The following RPRD1B variants were observed in gnomAD, a reference collection of about 807,000 sequenced individuals.
The protein encoded by RPRD1B is regulation of nuclear pre-mRNA domain-containing protein 1B.
A neutral mutation model predicts 41.5 loss-of-function variants in RPRD1B; 11 were observed. The ratio of observed to expected loss-of-function variants is 0.27; its 90% CI spans 0.17 to 0.44. RPRD1B has a LOEUF of 0.44. Among genes scored for constraint, RPRD1B ranks in the 20% least tolerant of loss-of-function variants. The pLI is 1.00. For synonymous variants in RPRD1B, 158 were observed against 155.6 expected (o/e 1.02, Z -0.12); for missense variants, 248 against 389.9 (o/e 0.64, Z 3.06).
At position 38,091,606 on chromosome 20, in the gene RPRD1B, T is replaced by TTGC. The variant is rs1037200544; in HGVS notation, c.*1741_*1743dup. On this transcript the variant is annotated 3_prime_UTR_variant, in exon 7 of 7. Transcript: ENST00000373433. ...AAAATTGCAAGATAAATTGTAATCT[T>TTGC]TGCTGCTGCTGCACTCCCCAACCTC... The TTGC allele has an allele frequency of 3.0e-6, 3 of 985,484 alleles. No individual in the cohort carries two copies. Among genetic ancestry groups the TTGC allele is most frequent in the South Asian group, 4.7e-5 (1 of 21,298 alleles). 61.0% of individuals were successfully genotyped at this position (985,484 alleles called of 1,614,324 possible).
At chr20:38,085,839 CTT>C (rs774430421) in intron 6 of RPRD1B, among the ~76,000 whole-genome samples, 36 of 124,920 alleles carry the variant, frequency 2.9e-4, no homozygotes, top group Admixed American at 3.2e-4. Flanking sequence ...TGGAGTCAGT[CTT>C]TTTTTTTTTT....
intron 6 of RPRD1B, among the ~76,000 whole-genome samples, chr20:38,082,134 T>C (rs1200442906): frequency 6.6e-6 from 1 of 152,198 alleles, no homozygotes; most frequent in Non-Finnish European, 1.5e-5. Context: ...GTAGGATTGG[T>C]ACCAGCTCTT....
intron 6 of RPRD1B, among the ~76,000 whole-genome samples, chr20:38,067,414 A>G (rs1419422564): frequency 6.6e-6 from 1 of 152,128 alleles, no homozygotes; most frequent in Non-Finnish European, 1.5e-5. Context: ...CTTAAATCCC[A>G]CTCAGAGTAG....
chr20:38,040,574 C>G lies in RPRD1B; in HGVS notation c.281+10C>G, dbSNP rs1285853652. ...TTTCTCATGTTGCCAGGTATGTTGT[C>G]TGTTTTTTGGATTTGTTTTTAAATT... On this transcript the variant is annotated intron_variant, in intron 2 of 6. Coordinates refer to ENST00000373433, the MANE Select transcript of RPRD1B (RefSeq NM_021215.4). The G allele has an allele frequency of 1.3e-6, 2 of 1,582,444 alleles. No individual in the cohort carries two copies. The highest frequency in any genetic ancestry group is 2.8e-5 in the African/African-American group (2 of 72,596).
chr20:38,048,433 C>A lies in RPRD1B; in HGVS notation c.367C>A (p.Gln123Lys). The change falls in exon 3 of 7, where the codon CAG (glutamine) becomes AAG (lysine). Residue 123 changes from glutamine to lysine, a missense_variant. Physicochemically the swap from Gln to Lys is moderately conservative, Grantham distance 53. This residue lies in a region of RPRD1B where 94 missense variants were observed against 82.3 expected (regional missense o/e 1.14). Coordinates refer to ENST00000373433, the MANE Select transcript of RPRD1B (RefSeq NM_021215.4). ...ERSVYGGEFI[Q>K]QLKLSMEDSK... ...AAGTGTGTATGGCGGCGAGTTCATA[C>A]AGCAGCTGAAGCTGTCTATGGAGGA... 6.2e-7 allele frequency: 1 copy of A among 1,613,890 alleles called. No homozygotes were observed. The highest frequency in any genetic ancestry group is 8.5e-7 in the Non-Finnish European group (1 of 1,179,808).
rs1411499184 is a variant in RPRD1B at position 38,077,981 on chromosome 20, T to C, written c.831+11725T>C. Reference sequence around the variant, plus strand: ...ACTTGAGTCCAAGAGTTTGAGACCATCCTGAGCTACATGGCAAAACCCCGT... The same window carrying C: ...ACTTGAGTCCAAGAGTTTGAGACCACCCTGAGCTACATGGCAAAACCCCGT... On this transcript the variant is annotated intron_variant, in intron 6 of 6. Coordinates refer to ENST00000373433, the MANE Select transcript of RPRD1B (RefSeq NM_021215.4). Among the ~76,000 whole-genome samples, 4 of 151,868 alleles carry C rather than the reference T, an allele frequency of 2.6e-5. No individual in the cohort carries two copies. The East Asian group carries it at 7.7e-4, about 29-fold the overall frequency.
intron 6 of RPRD1B, among the ~76,000 whole-genome samples, chr20:38,077,743 G>A (rs1429024842): frequency 6.6e-6 from 1 of 152,164 alleles, no homozygotes; most frequent in Non-Finnish European, 1.5e-5. Flanking sequence ...CCTCATGACT[G>A]ATCATCTACA....
At chr20:38,050,119 T>A (rs1012514290) in intron 3 of RPRD1B, among the ~76,000 whole-genome samples, 1 of 152,250 alleles carries the variant, frequency 6.6e-6, no homozygotes, top group Non-Finnish European at 1.5e-5. Context: ...TATACATGCA[T>A]CTGCTATAGA....
At chr20:38,079,582 T>C (rs1206292157) in intron 6 of RPRD1B, among the ~76,000 whole-genome samples, 1 of 152,218 alleles carries the variant, frequency 6.6e-6, no homozygotes, top group African/African-American at 2.4e-5. Context: ...TGCATAGTAT[T>C]CCATGGTATA....
intron 6 of RPRD1B, among the ~76,000 whole-genome samples, chr20:38,078,154 T>C (rs1290521137): frequency 6.8e-6 from 1 of 148,064 alleles, no homozygotes; most frequent in Non-Finnish European, 1.5e-5. Flanking sequence ...GGCGACAGAG[T>C]GCAGGCTGTC....
In RPRD1B at chr20:38,091,873, A is replaced by T; in HGVS notation, c.*1998A>T. 3 of 985,806 alleles carry T rather than the reference A, an allele frequency of 3.0e-6. No homozygotes were observed. The highest frequency in any genetic ancestry group is 3.6e-6 in the Non-Finnish European group (3 of 829,854). 61.1% of individuals were successfully genotyped at this position (985,806 alleles called of 1,614,324 possible). On this transcript the variant is annotated 3_prime_UTR_variant, in exon 7 of 7. Coordinates refer to ENST00000373433, the MANE Select transcript of RPRD1B (RefSeq NM_021215.4). ...AATTGGTGCATAATTATTACAGCAA[A>T]AGTTAAGAAATGAAACTGTAGCAAT... is the stretch of plus-strand genomic sequence containing the variant.
At chr20:38,045,435 T>C (rs946407839) in intron 2 of RPRD1B, among the ~76,000 whole-genome samples, 1 of 152,278 alleles carries the variant, frequency 6.6e-6, no homozygotes, top group East Asian at 1.9e-4. Context: ...ATTTTATGTA[T>C]AACTTTGAAA....
chr20:38,043,208 A>G (rs2122697845), intron 2 of RPRD1B, among the ~76,000 whole-genome samples: 1 of 152,308 alleles, frequency 6.6e-6, no homozygotes, highest in Non-Finnish European at 1.5e-5. Context: ...GAAGGCCTCT[A>G]AGGAAATGAC....
At chr20:38,063,714 G>A (rs552243994) in intron 5 of RPRD1B, among the ~76,000 whole-genome samples, 3 of 152,196 alleles carry the variant, frequency 2.0e-5, no homozygotes, top group Admixed American at 6.5e-5. Flanking sequence ...TTGAGGAAAC[G>A]AGGGAATGGG....
rs772210790 is a variant in RPRD1B, at chr20:38,040,547, T to C, written c.264T>C (p.Ala88=). The change falls in exon 2 of 7, where the codon GCT becomes GCC. Residue 88 remains alanine, a synonymous_variant. Transcript: ENST00000373433. ...TREFESVLVD[A]FSHVAREADE... ...AATTTGAATCTGTCCTTGTGGATGC[T>C]TTTTCTCATGTTGCCAGGTATGTTG... The C allele has an allele frequency of 2.5e-6, 4 of 1,598,930 alleles. No individual in the cohort carries two copies. The highest frequency in any genetic ancestry group is 1.8e-5 in the Admixed American group (1 of 56,948).
At position 38,092,121 on chromosome 20, in the gene RPRD1B, G is replaced by GT. The variant is rs1170155036; in HGVS notation, c.*2252dup. 3.0e-6 allele frequency: 3 copies of GT among 985,396 alleles called. No homozygotes were observed. The highest frequency in any genetic ancestry group is 3.6e-6 in the Non-Finnish European group (3 of 829,874). 61.0% of individuals were successfully genotyped at this position (985,396 alleles called of 1,614,324 possible). ...TGGGGTGGGTGGTTTTTGTTTTTGTGTTTTTTCTTTCTTAGGGCATCTGTA... is the reference window on the plus strand; with the variant it reads ...TGGGGTGGGTGGTTTTTGTTTTTGTGTTTTTTTCTTTCTTAGGGCATCTGTA... On this transcript the variant is annotated 3_prime_UTR_variant, in exon 7 of 7. Transcript: ENST00000373433.
chr20:38,087,896 G>A (rs542467211), intron 6 of RPRD1B, among the ~76,000 whole-genome samples: 54 of 152,302 alleles, frequency 3.5e-4, no homozygotes, highest in Non-Finnish European at 5.6e-4. Context: ...TGTGCTGGGT[G>A]CCTACTGTTT....
chr20:38,085,218 G>T (rs750265186), intron 6 of RPRD1B, among the ~76,000 whole-genome samples: 1 of 152,176 alleles, frequency 6.6e-6, no homozygotes, highest in Non-Finnish European at 1.5e-5. Context: ...TGAGAAGAGT[G>T]CGCTGGTGGG....
intron 1 of RPRD1B, among the ~76,000 whole-genome samples, chr20:38,036,931 T>G (rs142412796): frequency 0.016 from 2,507 of 152,104 alleles, 30 homozygotes; most frequent in Middle Eastern, 0.051. Context: ...CAGTGCAGAG[T>G]TAAAAAAAGA....
Sources: allele counts gnomAD v4.1 joint callset (sites outside exome capture counted in the v4.1 genomes callset), GRCh38; gene constraint gnomAD v4.1.1; regional missense constraint gnomAD v4.1.1; transcripts MANE v1.5; gene names NCBI Gene and HGNC (gene_info 2026-07-23, HGNC 2026-07-21).